The following NARS2 variants were observed in gnomAD, a reference collection of about 807,000 sequenced individuals.
NARS2 encodes asparaginyl-tRNA synthetase.
A neutral mutation model predicts 62.9 loss-of-function variants in NARS2; 60 were observed. That is an observed-to-expected ratio of 0.95 (90% CI 0.77 to 1.18). NARS2 has a LOEUF of 1.18. Ranked by LOEUF, NARS2 falls within the 50% of genes most tolerant of loss-of-function variation. NARS2 has a pLI of 0.00. For missense variants in NARS2, 619 were observed against 576.4 expected, an observed-to-expected ratio of 1.07 and a Z score of -0.76; for synonymous variants, 196 against 200.0, an observed-to-expected ratio of 0.98 and a Z score of 0.17.
intron 6 of NARS2, among the ~76,000 whole-genome samples, chr11:78,512,139 G>A (rs189751543): frequency 2.0e-5 from 3 of 152,286 alleles, no homozygotes; most frequent in South Asian, 2.1e-4. Flanking sequence ...TCTTAGTTCA[G>A]TTCTGACTTA....
intron 11 of NARS2, among the ~76,000 whole-genome samples, chr11:78,463,410 G>A (rs1372892254): frequency 6.6e-6 from 1 of 152,188 alleles, no homozygotes; most frequent in East Asian, 1.9e-4. Flanking sequence ...GGCAGGCCAG[G>A]TGCAGTGGCT....
chr11:78,561,648 C>T (rs1156959551), intron 4 of NARS2, among the ~76,000 whole-genome samples: 8 of 152,112 alleles, frequency 5.3e-5, no homozygotes, highest in Non-Finnish European at 5.9e-5. Flanking sequence ...TTTTCTTTCA[C>T]GTGAAACTGA....
intron 11 of NARS2, among the ~76,000 whole-genome samples, chr11:78,451,601 T>C (rs557646601): frequency 6.6e-6 from 1 of 152,200 alleles, no homozygotes; most frequent in Non-Finnish European, 1.5e-5. Flanking sequence ...GACTGGCTTA[T>C]AGAGCCAAGG....
chr11:78,474,970 A>G (rs1017267645), intron 9 of NARS2, among the ~76,000 whole-genome samples: 7 of 152,002 alleles, frequency 4.6e-5, no homozygotes, highest in African/African-American at 1.5e-4. Flanking sequence ...TGAGATATAC[A>G]TTACAATTAA....
intron 11 of NARS2, among the ~76,000 whole-genome samples, chr11:78,456,022 G>T (rs1195995244): frequency 2.0e-5 from 3 of 152,084 alleles, no homozygotes; most frequent in African/African-American, 7.2e-5. Flanking sequence ...TGTCTACCAT[G>T]TTTTAAGTAA....
chr11:78,476,240 G>A (rs950161930), intron 9 of NARS2, among the ~76,000 whole-genome samples: 1 of 152,210 alleles, frequency 6.6e-6, no homozygotes, highest in South Asian at 2.1e-4. Context: ...CTATGACTAA[G>A]ATCCGTGTAC....
chr11:78,467,923 T>G (rs1248483895), intron 10 of NARS2, among the ~76,000 whole-genome samples: 1 of 151,820 alleles, frequency 6.6e-6, no homozygotes, highest in Admixed American at 6.6e-5. Flanking sequence ...CATGGCTCAC[T>G]GCAATTTTAA....
Position 78,466,021 on chromosome 11 carries a change from G to A in NARS2, c.1027-8C>T. On this transcript the variant is annotated splice_region_variant and splice_polypyrimidine_tract_variant and intron_variant, in intron 10 of 13. Transcript: ENST00000281038. ...CCGTAGGTCAGCACCCCACTGTAAT[G>A]AGAAGAAAGAAATGACCAAAAGAGG... 6.3e-7 allele frequency: 1 copy of A among 1,576,086 alleles called. No individual in the cohort carries two copies. The highest frequency in any genetic ancestry group is 1.4e-5 in the African/African-American group (1 of 73,026).
At chr11:78,461,964 AAAAG>A (rs751865745) in intron 11 of NARS2, among the ~76,000 whole-genome samples, 12 of 152,212 alleles carry the variant, frequency 7.9e-5, no homozygotes, top group Non-Finnish European at 1.2e-4. Context: ...TAAAAAAAAG[AAAAG>A]AAAGAAAGCA....
Position 78,556,297 on chromosome 11 carries a change from AT to A in NARS2, c.594+3241del, listed in dbSNP as rs372317555. On this transcript the variant is annotated intron_variant, in intron 5 of 13. Transcript: ENST00000281038. ...ACTGACCTACCTCATTTTCCTCTAGATTCCATACCACTTATAACTGGTAACA... is the reference window on the plus strand; with the variant it reads ...ACTGACCTACCTCATTTTCCTCTAGATCCATACCACTTATAACTGGTAACA... 2.2e-3 allele frequency among the ~76,000 whole-genome samples: 338 copies of A among 152,282 alleles called. 1 individual carries two copies. The highest frequency in any genetic ancestry group is 7.7e-3 in the African/African-American group (320 of 41,564).
intron 6 of NARS2, among the ~76,000 whole-genome samples, chr11:78,517,423 T>C (rs1305829334): frequency 6.6e-6 from 1 of 152,222 alleles, no homozygotes; most frequent in East Asian, 1.9e-4. Flanking sequence ...AGAATCCATG[T>C]TAGAAATAGG....
intron 5 of NARS2, among the ~76,000 whole-genome samples, chr11:78,554,025 G>T (rs1285162955): frequency 6.6e-6 from 1 of 152,148 alleles, no homozygotes; most frequent in Admixed American, 6.5e-5. Context: ...GTTTTTGTCA[G>T]CTTTGGGGAG....
At chr11:78,447,530 G>A (rs1036479991) in intron 11 of NARS2, among the ~76,000 whole-genome samples, 1 of 151,972 alleles carries the variant, frequency 6.6e-6, no homozygotes, top group Non-Finnish European at 1.5e-5. Flanking sequence ...TCAGTATATT[G>A]GTGGTGATAT....
At chr11:78,563,454 G>T (rs947526287) in intron 4 of NARS2, among the ~76,000 whole-genome samples, 2 of 151,854 alleles carry the variant, frequency 1.3e-5, no homozygotes, top group African/African-American at 4.8e-5. Context: ...TTGACCTCGT[G>T]ATCTGCCTGC....
intron 11 of NARS2, among the ~76,000 whole-genome samples, chr11:78,455,833 T>C (rs931181747): frequency 2.6e-5 from 4 of 151,712 alleles, no homozygotes; most frequent in Admixed American, 6.6e-5. Flanking sequence ...CACTGAGAGG[T>C]AGCAGCCTCA....
intron 5 of NARS2, among the ~76,000 whole-genome samples, chr11:78,551,050 C>G: frequency 6.6e-6 from 1 of 152,126 alleles, no homozygotes; most frequent in East Asian, 1.9e-4. Flanking sequence ...TTTGTGGTTA[C>G]CTAGAGCTAA....
At chr11:78,511,122 G>A (rs1340834386) in intron 6 of NARS2, among the ~76,000 whole-genome samples, 2 of 151,976 alleles carry the variant, frequency 1.3e-5, no homozygotes, top group African/African-American at 4.8e-5. Flanking sequence ...CTATTGCTCA[G>A]GCTTCAGTGA....
At chr11:78,557,067 T>C in intron 5 of NARS2, among the ~76,000 whole-genome samples, 1 of 152,036 alleles carries the variant, frequency 6.6e-6, no homozygotes, top group Non-Finnish European at 1.5e-5. Context: ...TATTCAGTAG[T>C]CCCCAAACCT....
intron 5 of NARS2, among the ~76,000 whole-genome samples, chr11:78,549,024 C>A (rs182383272): frequency 1.3e-5 from 2 of 152,336 alleles, no homozygotes; most frequent in East Asian, 3.9e-4. Context: ...GCAAGAGGGG[C>A]AGCATGCAGG....
Sources: allele counts gnomAD v4.1 joint callset (sites outside exome capture counted in the v4.1 genomes callset), GRCh38; gene constraint gnomAD v4.1.1; transcripts MANE v1.5; gene names NCBI Gene and HGNC (gene_info 2026-07-23, HGNC 2026-07-21).